SRRM2: variants seen among roughly 807,000 people sequenced by gnomAD.
SRRM2 encodes serine/arginine repetitive matrix 2, also known as serine/arginine repetitive matrix protein 2.
SRRM2 carries 30 observed loss-of-function variants against 213.8 expected under a neutral mutation model. The ratio of observed to expected loss-of-function variants is 0.14; its 90% CI spans 0.10 to 0.19. The LOEUF (loss-of-function observed/expected upper bound fraction) is 0.19, where lower values mean the gene tolerates loss of function less well. SRRM2 is among the 10% of genes least tolerant of loss of function. The pLI is 1.00. For synonymous variants in SRRM2, 2,025 were observed against 1,377.7 expected (o/e 1.47, Z -10.40); for missense variants, 4,904 against 3,647.0 (o/e 1.34, Z -8.88).
rs763771216 is a variant in SRRM2, at chr16:2,757,904, A to G, written c.474A>G (p.Arg158=). The part of the protein sequence containing the change: ...GSSFDPQRRA[R]EAKQPAPEPP... ...CTTTTGATCCTCAGCGTCGTGCCCG[A>G]GAAGCTAAACAACCAGCTCCTGAGC... Residue 158 remains arginine, a synonymous_variant, in exon 4 of 15, where the codon CGA becomes CGG. Coordinates refer to ENST00000301740, the MANE Select transcript of SRRM2 (RefSeq NM_016333.4). The G allele has an allele frequency of 6.2e-7, 1 of 1,614,066 alleles. No individual in the cohort carries two copies. The highest frequency in any genetic ancestry group is 1.1e-5 in the South Asian group (1 of 91,082).
Position 2,771,309 on chromosome 16 carries a change from C to T in SRRM2, c.*442C>T, listed in dbSNP as rs778267591. Reference sequence around the variant, plus strand: ...CTACTGTCCCCCATGAGGTTGTGAACCCCTCCCCCCAACTTTTCATGTTTC... The same window carrying T: ...CTACTGTCCCCCATGAGGTTGTGAATCCCTCCCCCCAACTTTTCATGTTTC... On this transcript the variant is annotated 3_prime_UTR_variant, in exon 15 of 15. Coordinates refer to ENST00000301740, the MANE Select transcript of SRRM2 (RefSeq NM_016333.4). 2.6e-6 allele frequency: 3 copies of T among 1,175,560 alleles called. No individual in the cohort carries two copies. Among genetic ancestry groups the T allele is most frequent in the Admixed American group, 1.8e-5 (1 of 56,666 alleles). 72.8% of individuals were successfully genotyped at this position (1,175,560 alleles called of 1,614,324 possible).
Position 2,769,012 on chromosome 16 carries a change from C to T in SRRM2, c.7749C>T (p.Thr2583=), listed in dbSNP as rs2150780503. The stretch of plus-strand genomic sequence containing the variant: ...CCTCCCACAGGGTCCCCAGCCCCAC[C>T]CCAGCCCCAAAGGAGGCTGTTCGAG... ...EVALKRVPSP[T]PAPKEAVREG... Residue 2583 remains threonine (T), a synonymous_variant, in exon 12 of 15, where the codon ACC becomes ACT. Coordinates refer to ENST00000301740, the MANE Select transcript of SRRM2 (RefSeq NM_016333.4). The T allele has an allele frequency of 1.2e-6, 2 of 1,613,928 alleles. No individual in the cohort carries two copies. Among genetic ancestry groups the T allele is most frequent in the South Asian group, 2.2e-5 (2 of 91,060 alleles).
In SRRM2 at chr16:2,762,386, C is replaced by A. The variant is rs1357251480; in HGVS notation, c.1858C>A (p.Pro620Thr). 6.2e-7 allele frequency: 1 copy of A among 1,614,194 alleles called. No individual in the cohort carries two copies. Among genetic ancestry groups the A allele is most frequent in the South Asian group, 1.1e-5 (1 of 91,084 alleles). The change falls in exon 11 of 15, where the codon CCT becomes ACT. Residue 620 changes from proline to threonine, a missense_variant. By Grantham distance (38) the Pro-to-Thr change is conservative. Coordinates refer to ENST00000301740, the MANE Select transcript of SRRM2 (RefSeq NM_016333.4). ...ARRGRSRSRT[P>T]ARRRSRTRSP... ...GAGGGGCAGGTCTCGGTCTAGAACACCTGCTAGGCGCAGATCTAGGACCCG... is the reference window on the plus strand; with the variant it reads ...GAGGGGCAGGTCTCGGTCTAGAACAACTGCTAGGCGCAGATCTAGGACCCG...
chr16:2,765,503 C>G lies in SRRM2; in HGVS notation c.4975C>G (p.Pro1659Ala). The G allele has an allele frequency of 6.2e-7, 1 of 1,614,216 alleles. No homozygotes were observed. Among genetic ancestry groups the G allele is most frequent in the Non-Finnish European group, 8.5e-7 (1 of 1,180,038 alleles). Residue 1659 changes from proline (P) to alanine (A), a missense_variant, in exon 11 of 15, where the codon CCT (proline) becomes GCT (alanine). Pro to Ala is a conservative substitution (Grantham distance 27). Coordinates refer to ENST00000301740, the MANE Select transcript of SRRM2 (RefSeq NM_016333.4). ...AGGAAGCAGCAGTACCGAGTCCTCT[C>G]CTGAACATCCGCCCAAATCCAGAAC... The part of the protein sequence containing the change: ...PEGSSSTESS[P>A]EHPPKSRTAR...
chr16:2,770,668 C>T lies in SRRM2; in HGVS notation c.8200C>T (p.Arg2734Cys), dbSNP rs145292552. 48 of 1,554,868 alleles carry T rather than the reference C, an allele frequency of 3.1e-5. No homozygotes were observed. Among genetic ancestry groups the T allele is most frequent in the African/African-American group, 1.1e-4 (8 of 73,242 alleles). Residue 2734 changes from arginine (R) to cysteine (C), a missense_variant, in exon 14 of 15, where the codon CGC becomes TGC. Coordinates refer to ENST00000301740, the MANE Select transcript of SRRM2 (RefSeq NM_016333.4). ...RGDSRSPSHK[R>C]RRETPSPRPM... is the part of the protein sequence containing the mutation. ...GGACAGCCGCTCCCCCAGCCACAAG[C>T]GCAGGAGGGAGACACCTAGCCCTCG...
Position 2,766,666 on chromosome 16 carries a change from A to C in SRRM2, c.6138A>C (p.Ser2046=), listed in dbSNP as rs1461003300. The change falls in exon 11 of 15, where the codon TCA becomes TCC. Residue 2046 remains serine, a synonymous_variant. Transcript: ENST00000301740. This position sits in a 1 kb window ranked among gnomAD's most constrained non-coding sequence, Gnocchi z 7.0. ...CACGCAAACGTTCTCGAAGTCGCTC[A>C]CCACTTGCTATCCGCCGCCGCTCCA... is the stretch of plus-strand genomic sequence containing the variant. ...LLPRKRSRSR[S]PLAIRRRSRS... is the part of the protein sequence containing the mutation. 6.2e-7 allele frequency: 1 copy of C among 1,613,784 alleles called. No homozygotes were observed. Among genetic ancestry groups the C allele is most frequent in the African/African-American group, 1.3e-5 (1 of 74,812 alleles).
At position 2,766,686 on chromosome 16, in the gene SRRM2, G is replaced by A. The variant is rs1295536422; in HGVS notation, c.6158G>A (p.Arg2053His). 6 of 1,614,096 alleles carry A rather than the reference G, an allele frequency of 3.7e-6. No homozygotes were observed. The highest frequency in any genetic ancestry group is 1.3e-5 in the African/African-American group (1 of 74,982). The change falls in exon 11 of 15, where the codon CGC becomes CAC. Residue 2053 changes from arginine to histidine, a missense_variant. Arg to His is a conservative substitution (Grantham distance 29). Transcript: ENST00000301740. The surrounding 1 kb of genome is among the most constrained non-coding windows in gnomAD (Gnocchi z 7.0). Reference sequence around the variant, plus strand: ...CGCTCACCACTTGCTATCCGCCGCCGCTCCAGATCCCGTACTCCACGAACA... The same window carrying A: ...CGCTCACCACTTGCTATCCGCCGCCACTCCAGATCCCGTACTCCACGAACA... ...RSRSPLAIRR[R>H]SRSRTPRTAR...
intron 1 of SRRM2, among the ~76,000 whole-genome samples, chr16:2,755,091 T>G (rs572341530): frequency 2.6e-5 from 4 of 152,230 alleles, no homozygotes; most frequent in African/African-American, 9.6e-5. Flanking sequence ...CTTAGTAGTA[T>G]TTTCTCATAT....
In SRRM2 at chr16:2,762,825, G is replaced by A. The variant is rs772984806; in HGVS notation, c.2297G>A (p.Arg766Gln). Residue 766 changes from arginine to glutamine, a missense_variant, in exon 11 of 15, where the codon CGG (arginine) becomes CAG (glutamine). Coordinates refer to ENST00000301740, the MANE Select transcript of SRRM2 (RefSeq NM_016333.4). ...CGGAGCAGGTCTCTCTCTTCACCAC[G>A]GTCCAAAGCAAAATCTCGCTTGTCT... Reference protein sequence around the residue: ...SRRSRSLSSPRSKAKSRLSLR... With the variant: ...SRRSRSLSSPQSKAKSRLSLR... 31 of 1,613,942 alleles carry A rather than the reference G, an allele frequency of 1.9e-5. No individual in the cohort carries two copies. Among genetic ancestry groups the A allele is most frequent in the Middle Eastern group, 1.6e-4 (1 of 6,084 alleles).
Position 2,770,916 on chromosome 16 carries a change from AGT to A in SRRM2, c.*52_*53del. The stretch of plus-strand genomic sequence containing the variant: ...CACCCAATGCTCTGGAGCCACAAGG[AGT>A]GTCCCTTCTTCCCCAGCAGAGCCGT... On this transcript the variant is annotated 3_prime_UTR_variant, in exon 15 of 15. Transcript: ENST00000301740. 1 of 1,612,024 alleles carries A rather than the reference AGT, an allele frequency of 6.2e-7. No individual in the cohort carries two copies. The highest frequency in any genetic ancestry group is 8.5e-7 in the Non-Finnish European group (1 of 1,179,228).
At position 2,759,161 on chromosome 16, in the gene SRRM2, A is replaced by G. The variant is rs2068249736; in HGVS notation, c.678A>G (p.Lys226=). The stretch of plus-strand genomic sequence containing the variant: ...ACAGGTCAGAATCTGAGTCCAAGAA[A>G]CGTAAGCATAGGTAAGAGCTCTTTA... ...KKHRSESESK[K]RKHRSPTPKS... is the part of the protein sequence containing the mutation. Residue 226 remains lysine (K), a synonymous_variant, in exon 7 of 15, where the codon AAA becomes AAG. Coordinates refer to ENST00000301740, the MANE Select transcript of SRRM2 (RefSeq NM_016333.4). 1 of 1,614,148 alleles carries G rather than the reference A, an allele frequency of 6.2e-7. No homozygotes were observed. The highest frequency in any genetic ancestry group is 2.2e-5 in the East Asian group (1 of 44,880).
chr16:2,762,050 T>C lies in SRRM2; in HGVS notation c.1522T>C (p.Ser508Pro). The change falls in exon 11 of 15, where the codon TCC becomes CCC. Residue 508 changes from serine to proline, a missense_variant. By Grantham distance (74) the Ser-to-Pro change is moderately conservative (BLOSUM62 -1). Coordinates refer to ENST00000301740, the MANE Select transcript of SRRM2 (RefSeq NM_016333.4). Reference protein sequence around the residue: ...RTPTKRGHSRSRSPQWRRSRS... With the variant: ...RTPTKRGHSRPRSPQWRRSRS... ...CCCTACCAAGAGAGGTCATTCTCGA[T>C]CCCGATCTCCCCAGTGGCGTAGGTC... 1 of 1,614,196 alleles carries C rather than the reference T, an allele frequency of 6.2e-7. No homozygotes were observed. Among genetic ancestry groups the C allele is most frequent in the Non-Finnish European group, 8.5e-7 (1 of 1,180,034 alleles).
At position 2,771,290 on chromosome 16, in the gene SRRM2, T is replaced by TC. The variant is rs768578100; in HGVS notation, c.*428dup. On this transcript the variant is annotated 3_prime_UTR_variant, in exon 15 of 15. Transcript: ENST00000301740. ...AGTTGGAATTAGTTGGTCCCTACTGTCCCCCATGAGGTTGTGAACCCCTCC... is the reference window on the plus strand; with the variant it reads ...AGTTGGAATTAGTTGGTCCCTACTGTCCCCCCATGAGGTTGTGAACCCCTCC... 1.1e-6 allele frequency: 1 copy of TC among 930,972 alleles called. No homozygotes were observed. Among genetic ancestry groups the TC allele is most frequent in the East Asian group, 2.5e-5 (1 of 40,370 alleles). The allele number at this position is 930,972 out of a possible 1,614,324, so 57.7% of individuals were successfully genotyped here.
rs753687379 is a variant in SRRM2 at position 2,763,202 on chromosome 16, T to C, written c.2674T>C (p.Ser892Pro). 1.9e-6 allele frequency: 3 copies of C among 1,614,004 alleles called. No homozygotes were observed. The highest frequency in any genetic ancestry group is 1.7e-6 in the Non-Finnish European group (2 of 1,180,010). ...TAGGACCCCTTCTAGACATAGCTGC[T>C]CAGGGTCCTCTCCTCCTAGAGTGAA... ...KSRTPSRHSC[S>P]GSSPPRVKSS... The change falls in exon 11 of 15, where the codon TCA becomes CCA. Residue 892 changes from serine (S) to proline (P), a missense_variant. Transcript: ENST00000301740.
chr16:2,768,085 T>A lies in SRRM2; in HGVS notation c.7557T>A (p.Ser2519=), dbSNP rs1404153633. The A allele has an allele frequency of 1.2e-6, 2 of 1,614,050 alleles. No homozygotes were observed. The highest frequency in any genetic ancestry group is 1.7e-6 in the Non-Finnish European group (2 of 1,180,024). Reference sequence around the variant, plus strand: ...CCTCTACTGGGGCCCAGCAGCCTTCTGCATTAGCCGCCCTGCAGCCAGCAA... The same window carrying A: ...CCTCTACTGGGGCCCAGCAGCCTTCAGCATTAGCCGCCCTGCAGCCAGCAA... ...PPASTGAQQP[S]ALAALQPAKE... Residue 2519 remains serine (S), a synonymous_variant, in exon 11 of 15, where the codon TCT becomes TCA. Coordinates refer to ENST00000301740, the MANE Select transcript of SRRM2 (RefSeq NM_016333.4).
Position 2,769,138 on chromosome 16 carries a change from C to CTCTTCTTCCTCCTCCTCTTCCTCTTCT in SRRM2, c.7890_7916dup (p.Ser2640_Ser2648dup). On this transcript the variant is annotated inframe_insertion, in exon 12 of 15. Transcript: ENST00000301740. Reference sequence around the variant, plus strand: ...CATCTTCCTCCTCCTCCTCCTCCTCCTCTTCTTCCTCCTCCTCTTCCTCTT... The same window carrying CTCTTCTTCCTCCTCCTCTTCCTCTTCT: ...CATCTTCCTCCTCCTCCTCCTCCTCCTCTTCTTCCTCCTCCTCTTCCTCTTCTTCTTCTTCCTCCTCCTCTTCCTCTT... 6.4e-7 allele frequency: 1 copy of CTCTTCTTCCTCCTCCTCTTCCTCTTCT among 1,556,448 alleles called. No homozygotes were observed. The highest frequency in any genetic ancestry group is 8.8e-7 in the Non-Finnish European group (1 of 1,130,986).
chr16:2,756,210 C>T (rs117726522), intron 1 of SRRM2, 124 bp from the exon 2 acceptor site: 28,631 of 960,458 alleles, frequency 0.03, 504 homozygotes, highest in South Asian at 0.037. Flanking sequence ...CATTATACAG[C>T]GAAGACTTAG....
rs781210210 is a variant in SRRM2, at chr16:2,767,231, G to C, written c.6703G>C (p.Ala2235Pro). The C allele has an allele frequency of 1.9e-6, 3 of 1,614,150 alleles. No homozygotes were observed. The highest frequency in any genetic ancestry group is 1.7e-6 in the Non-Finnish European group (2 of 1,180,042). The stretch of plus-strand genomic sequence containing the variant: ...CAACCTTGCCAGCAGGATTCCTGCA[G>C]CCTCTGCGGCAGCCATGAACCTAGC... ...AANLASRIPA[A>P]SAAAMNLASA... The change falls in exon 11 of 15, where the codon GCC becomes CCC. Residue 2235 changes from alanine to proline, a missense_variant. Physicochemically the swap from Ala to Pro is conservative, Grantham distance 27. Coordinates refer to ENST00000301740, the MANE Select transcript of SRRM2 (RefSeq NM_016333.4).
At position 2,752,687 on chromosome 16, in the gene SRRM2, G is replaced by T. The variant is rs1018997378; in HGVS notation, c.-191G>T. 3.8e-5 allele frequency: 12 copies of T among 316,302 alleles called. No individual in the cohort carries two copies. Among genetic ancestry groups the T allele is most frequent in the Non-Finnish European group, 5.0e-5 (8 of 160,020 alleles). The allele number at this position is 316,302 out of a possible 1,614,324, so 19.6% of individuals were successfully genotyped here. ...GCGGGGTGCGAGTGGCGCAGTTGGA[G>T]CCCGTTGCGGCCCCTGAGGAAGCGA... On this transcript the variant is annotated 5_prime_UTR_variant, in exon 1 of 15. Transcript: ENST00000301740.
Sources: allele counts gnomAD v4.1 joint callset (sites outside exome capture counted in the v4.1 genomes callset), GRCh38; gene constraint gnomAD v4.1.1; non-coding constraint Gnocchi (gnomAD v3.1); transcripts MANE v1.5; gene names NCBI Gene and HGNC (gene_info 2026-07-23, HGNC 2026-07-21).